MARCHF1: variants seen among roughly 807,000 people sequenced by gnomAD.
MARCHF1 encodes membrane associated ring-CH-type finger 1, also known as E3 ubiquitin-protein ligase MARCHF1.
Under a neutral mutation model 54.2 loss-of-function variants are expected in MARCHF1, and 40 were observed. That is an observed-to-expected ratio of 0.74 (90% confidence interval 0.57 to 0.96). MARCHF1 has a LOEUF of 0.96. Ranked by LOEUF, MARCHF1 falls within the 40% of genes least tolerant of loss-of-function variation. The pLI is 0.00. For missense variants in MARCHF1, 586 were observed against 656.5 expected (o/e 0.89, Z 1.17); for synonymous variants, 236 against 236.3 (o/e 1.00, Z 0.01).
At chr4:163,767,350 T>G (rs1747011442) in intron 4 of MARCHF1, among the ~76,000 whole-genome samples, 1 of 151,976 alleles carries the variant, frequency 6.6e-6, no homozygotes, top group Non-Finnish European at 1.5e-5. Flanking sequence ...TTTTTTTTTT[T>G]TTGAGATGGA....
chr4:164,212,817 C>T (rs993296269), intron 1 of MARCHF1, among the ~76,000 whole-genome samples: 2 of 152,108 alleles, frequency 1.3e-5, no homozygotes, highest in Non-Finnish European at 2.9e-5. Context: ...ATTATTCTCC[C>T]CATTTTACAA....
intron 4 of MARCHF1, among the ~76,000 whole-genome samples, chr4:163,759,025 C>CTT (rs1437682263): frequency 1.8e-4 from 27 of 151,992 alleles, no homozygotes; most frequent in African/African-American, 6.3e-4. Context: ...AGAACTGAAG[C>CTT]ATCAAAGTAA....
At chr4:163,874,137 G>C (rs532196067) in intron 3 of MARCHF1, among the ~76,000 whole-genome samples, 3 of 152,312 alleles carry the variant, frequency 2.0e-5, no homozygotes, top group African/African-American at 7.2e-5. Context: ...AGGCACTAAA[G>C]CAATAGTTAC....
chr4:164,190,500 G>T, intron 1 of MARCHF1: 2 of 272,140 alleles, frequency 7.3e-6, no homozygotes, highest in Admixed American at 5.2e-5. Context: ...TTCATTAGCA[G>T]TTGCTCACAT....
chr4:164,202,461 G>A (rs1731481310), intron 1 of MARCHF1, among the ~76,000 whole-genome samples: 1 of 152,142 alleles, frequency 6.6e-6, no homozygotes, highest in African/African-American at 2.4e-5. Context: ...AACACTTAAA[G>A]CAGAAGAGTG....
intron 2 of MARCHF1, among the ~76,000 whole-genome samples, chr4:164,057,823 C>T (rs1483375353): frequency 2.0e-5 from 3 of 152,138 alleles, no homozygotes; most frequent in Non-Finnish European, 4.4e-5. Flanking sequence ...TATAGGCAAA[C>T]ACCCTTAGCT....
chr4:164,013,142 C>T (rs1010390212), intron 2 of MARCHF1, among the ~76,000 whole-genome samples: 2 of 151,968 alleles, frequency 1.3e-5, no homozygotes, highest in Non-Finnish European at 2.9e-5. Flanking sequence ...CAATAAATTT[C>T]AAGATAACAC....
chr4:164,172,835 G>A (rs532038950), intron 1 of MARCHF1, among the ~76,000 whole-genome samples: 25 of 152,154 alleles, frequency 1.6e-4, no homozygotes, highest in African/African-American at 4.6e-4. Flanking sequence ...AAATTAGCCG[G>A]GCCCACGTGG....
chr4:163,860,753 T>C (rs1218233988), intron 3 of MARCHF1, among the ~76,000 whole-genome samples: 1 of 152,202 alleles, frequency 6.6e-6, no homozygotes, highest in Non-Finnish European at 1.5e-5. Context: ...GAGGAGTACT[T>C]GGGGAGCCCA....
At position 163,612,436 on chromosome 4, in the gene MARCHF1, T is replaced by C. The variant is rs1741373866; in HGVS notation, c.845A>G (p.Asn282Ser). 6.5e-7 allele frequency: 1 copy of C among 1,535,450 alleles called. No individual in the cohort carries two copies. The highest frequency in any genetic ancestry group is 1.4e-5 in the African/African-American group (1 of 73,104). Reference sequence around the variant, plus strand: ...TGAAAATGTCTTCTTCATTATTTCATTTTTCCTAAGACTTTGCAAGAGCTG... The same window carrying C: ...TGAAAATGTCTTCTTCATTATTTCACTTTTCCTAAGACTTTGCAAGAGCTG... Reference protein sequence around the residue: ...DPQLLQSLRKNEIMKKTFSET... With the variant: ...DPQLLQSLRKSEIMKKTFSET... Residue 282 changes from asparagine to serine, a missense_variant, in exon 7 of 10, where the codon AAT becomes AGT. By Grantham distance (46) the Asn-to-Ser change is conservative (BLOSUM62 1). This residue lies in a region of MARCHF1 where 387 missense variants were observed against 394.6 expected (regional missense o/e 0.98). Transcript: ENST00000514618.
At chr4:164,080,253 C>T (rs1003019954) in intron 2 of MARCHF1, among the ~76,000 whole-genome samples, 1 of 152,192 alleles carries the variant, frequency 6.6e-6, no homozygotes, top group African/African-American at 2.4e-5. Context: ...TATGAATTGA[C>T]TACAGTCTTA....
At chr4:164,148,957 C>A in intron 1 of MARCHF1, among the ~76,000 whole-genome samples, 1 of 152,078 alleles carries the variant, frequency 6.6e-6, no homozygotes, top group South Asian at 2.1e-4. Context: ...GAAAGATAAC[C>A]TCCAATGTTG....
intron 1 of MARCHF1, among the ~76,000 whole-genome samples, chr4:164,241,781 G>A (rs999251914): frequency 1.3e-5 from 2 of 152,190 alleles, no homozygotes; most frequent in South Asian, 2.1e-4. Context: ...CACAGTGCGC[G>A]AGCCGAAGCA....
At chr4:164,290,442 A>T (rs1734259855) in intron 1 of MARCHF1, among the ~76,000 whole-genome samples, 1 of 152,010 alleles carries the variant, frequency 6.6e-6, no homozygotes, top group African/African-American at 2.4e-5. Flanking sequence ...TGTATTCAGA[A>T]GCATTCCTAA....
chr4:164,190,165 TAGA>T (rs1191635333), intron 1 of MARCHF1: 1 of 1,562,892 alleles, frequency 6.4e-7, no homozygotes, highest in East Asian at 2.2e-5. Context: ...GAAAAAGCTG[TAGA>T]AGAAAAGATT....
At chr4:163,957,984 T>G (rs1229296732) in intron 3 of MARCHF1, among the ~76,000 whole-genome samples, 1 of 152,038 alleles carries the variant, frequency 6.6e-6, no homozygotes, top group Non-Finnish European at 1.5e-5. Context: ...TTATTCACAT[T>G]TAGAATAAAA....
intron 4 of MARCHF1, among the ~76,000 whole-genome samples, chr4:163,847,907 CAA>C (rs1185103722): frequency 3.9e-4 from 60 of 152,110 alleles, no homozygotes; most frequent in Non-Finnish European, 7.1e-4. Flanking sequence ...TAGTGTTGTG[CAA>C]ACAACAGTAT....
chr4:163,719,813 G>A (rs1745386057), intron 4 of MARCHF1, among the ~76,000 whole-genome samples: 1 of 152,078 alleles, frequency 6.6e-6, no homozygotes, highest in Non-Finnish European at 1.5e-5. Flanking sequence ...GTGTCTTTTG[G>A]CTACATAAAT....
intron 1 of MARCHF1, among the ~76,000 whole-genome samples, chr4:164,351,179 T>TG (rs1730311889): frequency 6.6e-6 from 1 of 151,512 alleles, no homozygotes; most frequent in Admixed American, 6.6e-5. Flanking sequence ...GCAGCGAGGC[T>TG]GGGGTAGGGG....
Sources: allele counts gnomAD v4.1 joint callset (sites outside exome capture counted in the v4.1 genomes callset), GRCh38; gene constraint gnomAD v4.1.1; regional missense constraint gnomAD v4.1.1; transcripts MANE v1.5; gene names NCBI Gene and HGNC (gene_info 2026-07-23, HGNC 2026-07-21).